SNTB1: variants seen among roughly 807,000 people sequenced by gnomAD.
The protein encoded by SNTB1 is beta-1-syntrophin.
Under a neutral mutation model 48.9 loss-of-function variants are expected in SNTB1, and 36 were observed. The ratio of observed to expected loss-of-function variants is 0.74; its 90% confidence interval spans 0.56 to 0.97. SNTB1 has a LOEUF of 0.97. SNTB1 is among the 50% of genes least tolerant of loss of function. The probability of loss-of-function intolerance (pLI) is 0.00; values close to 1 mark genes in which losing one functional copy is unlikely to be tolerated. For synonymous variants in SNTB1, 299 were observed against 294.6 expected (o/e 1.01, Z -0.15); for missense variants, 786 against 703.4 (o/e 1.12, Z -1.33).
chr8:120,799,730 T>G (rs1231362663), intron 1 of SNTB1, among the ~76,000 whole-genome samples: 1 of 151,980 alleles, frequency 6.6e-6, no homozygotes, highest in Admixed American at 6.6e-5. Flanking sequence ...GAGGTCCCAA[T>G]TTTCTGGGTA....
intron 2 of SNTB1, among the ~76,000 whole-genome samples, chr8:120,663,560 G>A (rs188746965): frequency 1.6e-4 from 25 of 152,258 alleles, no homozygotes; most frequent in African/African-American, 6.0e-4. Context: ...GCCTGCCTCG[G>A]CCTCCCAAAG....
chr8:120,740,717 G>A (rs1398576803), intron 1 of SNTB1, among the ~76,000 whole-genome samples: 2 of 151,742 alleles, frequency 1.3e-5, no homozygotes, highest in African/African-American at 4.8e-5. Flanking sequence ...AATGATGGGC[G>A]GCCTGTAGGC....
chr8:120,583,084 CAT>C (rs1330322058), intron 3 of SNTB1, among the ~76,000 whole-genome samples: 1 of 151,994 alleles, frequency 6.6e-6, no homozygotes, highest in Non-Finnish European at 1.5e-5. Flanking sequence ...GCCTGGGAAA[CAT>C]AGTGAGATCC....
chr8:120,562,714 G>C (rs1289636879), intron 4 of SNTB1, among the ~76,000 whole-genome samples: 2 of 152,076 alleles, frequency 1.3e-5, no homozygotes, highest in African/African-American at 4.8e-5. Context: ...ACTTTCTAGT[G>C]AAAAGAATTC....
At chr8:120,734,105 G>A (rs193167507) in intron 1 of SNTB1, among the ~76,000 whole-genome samples, 44 of 152,268 alleles carry the variant, frequency 2.9e-4, no homozygotes, top group Admixed American at 2.1e-3. Flanking sequence ...AGCACAAACA[G>A]GAGAAGGAAA....
intron 1 of SNTB1, among the ~76,000 whole-genome samples, chr8:120,722,501 G>A (rs1450546958): frequency 2.6e-5 from 4 of 152,204 alleles, no homozygotes; most frequent in Non-Finnish European, 4.4e-5. Context: ...GACCAGTGAC[G>A]ATGAGCATTT....
intron 1 of SNTB1, among the ~76,000 whole-genome samples, chr8:120,782,620 A>G (rs1477538919): frequency 6.6e-6 from 1 of 152,168 alleles, no homozygotes; most frequent in South Asian, 2.1e-4. Context: ...ACACACATAT[A>G]TATGTAAAAT....
At chr8:120,649,362 T>G (rs1313365754) in intron 2 of SNTB1, among the ~76,000 whole-genome samples, 2 of 141,334 alleles carry the variant, frequency 1.4e-5, no homozygotes, top group Non-Finnish European at 3.1e-5. Context: ...ATGTCCTTTC[T>G]GTTTGTTAGT....
At chr8:120,763,709 C>T (rs115152241) in intron 1 of SNTB1, among the ~76,000 whole-genome samples, 3,499 of 152,024 alleles carry the variant, frequency 0.023, 134 homozygotes, top group African/African-American at 0.08. Flanking sequence ...ATTAACCAAC[C>T]CAAGAGAAAA....
chr8:120,766,967 C>T (rs1233407175), intron 1 of SNTB1, among the ~76,000 whole-genome samples: 3 of 151,950 alleles, frequency 2.0e-5, no homozygotes, highest in African/African-American at 7.3e-5. Context: ...GAATGATTAT[C>T]CCAGAGTTTT....
intron 1 of SNTB1, among the ~76,000 whole-genome samples, chr8:120,737,406 T>C (rs933714387): frequency 3.9e-5 from 6 of 152,204 alleles, no homozygotes; most frequent in African/African-American, 1.4e-4. Context: ...CTCATGACTG[T>C]ATAGTGTATG....
intron 1 of SNTB1, among the ~76,000 whole-genome samples, chr8:120,806,059 T>C (rs1820329728): frequency 6.6e-6 from 1 of 152,228 alleles, no homozygotes; most frequent in East Asian, 1.9e-4. Context: ...TAGCTATTAT[T>C]ACATTCGAAA....
At chr8:120,634,579 G>C (rs1233341982) in intron 2 of SNTB1, among the ~76,000 whole-genome samples, 2 of 152,098 alleles carry the variant, frequency 1.3e-5, no homozygotes, top group Non-Finnish European at 2.9e-5. Context: ...TCTTATGGGG[G>C]GCACTCACTG....
chr8:120,772,829 A>G (rs776246881), intron 1 of SNTB1, among the ~76,000 whole-genome samples: 1 of 152,270 alleles, frequency 6.6e-6, no homozygotes, highest in Middle Eastern at 3.4e-3. Context: ...GCCCTTGGAG[A>G]GAACAGAAAG....
intron 1 of SNTB1, among the ~76,000 whole-genome samples, chr8:120,800,848 A>G (rs1421283251): frequency 1.3e-5 from 2 of 151,742 alleles, no homozygotes; most frequent in South Asian, 2.1e-4. Flanking sequence ...TTTTGTAAAC[A>G]TAGCCTGATT....
chr8:120,706,769 T>C (rs1255293675), intron 1 of SNTB1, among the ~76,000 whole-genome samples: 1 of 152,190 alleles, frequency 6.6e-6, no homozygotes, highest in Admixed American at 6.5e-5. Context: ...AAGATAAAAC[T>C]CTATTATTCC....
intron 2 of SNTB1, among the ~76,000 whole-genome samples, chr8:120,681,407 A>C (rs1469295701): frequency 1.3e-5 from 2 of 152,152 alleles, no homozygotes; most frequent in Non-Finnish European, 2.9e-5. Context: ...GAAGAGTATA[A>C]AATGCTATAA....
chr8:120,600,867 A>G (rs1816410922), intron 3 of SNTB1, among the ~76,000 whole-genome samples: 1 of 151,922 alleles, frequency 6.6e-6, no homozygotes, highest in African/African-American at 2.4e-5. Flanking sequence ...ATCCTGGGAA[A>G]TATGAGTGAG....
Position 120,811,885 on chromosome 8 carries a change from G to A in SNTB1, c.-42C>T, listed in dbSNP as rs531443245. Reference sequence around the variant, plus strand: ...AAATGCCATGTGATTGGAAAAGGGGGGAAAAGTGGGGAAGGGTGGCCGGGG... The same window carrying A: ...AAATGCCATGTGATTGGAAAAGGGGAGAAAAGTGGGGAAGGGTGGCCGGGG... On this transcript the variant is annotated 5_prime_UTR_variant, in exon 1 of 7. Coordinates refer to ENST00000517992, the MANE Select transcript of SNTB1 (RefSeq NM_021021.4). 1.6e-3 allele frequency: 2,069 copies of A among 1,310,496 alleles called. 8 individuals are homozygous for A. Among genetic ancestry groups the A allele is most frequent in the Middle Eastern group, 9.7e-3 (35 of 3,614 alleles). The allele number at this position is 1,310,496 out of a possible 1,614,324, so 81.2% of individuals were successfully genotyped here.
Sources: allele counts gnomAD v4.1 joint callset (sites outside exome capture counted in the v4.1 genomes callset), GRCh38; gene constraint gnomAD v4.1.1; transcripts MANE v1.5; gene names NCBI Gene and HGNC (gene_info 2026-07-23, HGNC 2026-07-21).